The following A2M variants were observed in gnomAD, a reference collection of about 807,000 sequenced individuals.
A2M encodes alpha-2-macroglobulin.
A neutral mutation model predicts 183.9 loss-of-function variants in A2M; 128 were observed. That is an observed-to-expected ratio of 0.70 (90% CI 0.60 to 0.81). A2M has a LOEUF of 0.81. Ranked by LOEUF, A2M falls within the 30% of genes least tolerant of loss-of-function variation. The pLI is 0.00. For synonymous variants in A2M, 592 were observed against 670.8 expected, an observed-to-expected ratio of 0.88 and a Z score of 1.81; for missense variants, 1,495 against 1,787.6, an observed-to-expected ratio of 0.84 and a Z score of 2.95.
intron 5 of A2M, 138 bp from the exon 6 acceptor site, chr12:9,110,173 A>T: frequency 1.8e-6 from 2 of 1,121,198 alleles, no homozygotes; most frequent in South Asian, 3.1e-5. Flanking sequence ...GAGATGAGTT[A>T]TAGCCATCTA....
At chr12:9,107,729 A>C (rs1448757665) in intron 7 of A2M, 85 bp from the exon 8 acceptor site, 15 of 1,515,694 alleles carry the variant, frequency 9.9e-6, no homozygotes, top group Non-Finnish European at 1.4e-5. Flanking sequence ...CTTTAGCTAC[A>C]GTATATTCCC....
intron 22 of A2M, among the ~76,000 whole-genome samples, chr12:9,086,252 A>G (rs1192044257): frequency 6.6e-6 from 1 of 152,184 alleles, no homozygotes; most frequent in Admixed American, 6.5e-5. Context: ...ATAAAATACT[A>G]GCATAGCAGC....
Position 9,090,410 on chromosome 12 carries a change from T to G in A2M, c.2542A>C (p.Ile848Leu). Reference protein sequence around the residue: ...PVEKEQAPHCICANGRQTVSW... With the variant: ...PVEKEQAPHCLCANGRQTVSW... ...ACAGTTTGCCGCCCGTTTGCACAGA[T>G]GCAGTGAGGCGCTTGTTCCTTCTCC... The change falls in exon 20 of 36, where the codon ATC (isoleucine) becomes CTC (leucine). Residue 848 changes from isoleucine (I) to leucine (L), a missense_variant. By Grantham distance (5) the Ile-to-Leu change is conservative. Coordinates refer to ENST00000318602, the MANE Select transcript of A2M (RefSeq NM_000014.6). The G allele has an allele frequency of 6.2e-7, 1 of 1,613,994 alleles. No homozygotes were observed. The highest frequency in any genetic ancestry group is 1.1e-5 in the South Asian group (1 of 91,082).
intron 15 of A2M, 42 bp from the exon 16 acceptor site, chr12:9,095,742 C>CTTTTTTTTTTTTTTTTTT (rs34176052): frequency 3.6e-6 from 1 of 276,800 alleles, no homozygotes. Context: ...TTATTTGTGA[C>CTTTTTTTTTTTTTTTTTT]TTTTTTTTTT....
At chr12:9,068,072 A>T in intron 35 of A2M, 111 bp downstream of exon 35, 1 of 1,259,114 alleles carries the variant, frequency 7.9e-7, no homozygotes, top group Non-Finnish European at 1.1e-6. Flanking sequence ...GTGCAGTGTG[A>T]GTAATTTGAT....
chr12:9,091,497 C>G, intron 18 of A2M, 68 bp from the exon 19 acceptor site: 1 of 1,514,970 alleles, frequency 6.6e-7, no homozygotes. Flanking sequence ...GGAGAGAATC[C>G]CTAGGAATGA....
chr12:9,096,875 GATCTCTACTAGCACTTAGTATA>G (rs373616617), intron 15 of A2M, among the ~76,000 whole-genome samples: 2 of 152,236 alleles, frequency 1.3e-5, no homozygotes, highest in African/African-American at 4.8e-5. Context: ...CTCACTGCTT[GATCTCTACTAGCACTTAGTATA>G]ATACCTAGAA....
At chr12:9,084,450 G>A (rs1458893190) in intron 22 of A2M, among the ~76,000 whole-genome samples, 3 of 152,096 alleles carry the variant, frequency 2.0e-5, no homozygotes, top group Non-Finnish European at 4.4e-5. Context: ...AATGTGTGTG[G>A]GGGAGTGAAA....
chr12:9,079,222 C>A (rs1216085357), intron 25 of A2M, 22 bp downstream of exon 25: 3 of 1,604,358 alleles, frequency 1.9e-6, no homozygotes, highest in Admixed American at 3.4e-5. Flanking sequence ...AAAAGAAGCT[C>A]AAAAAATTGT....
chr12:9,089,117 A>G (rs917781664), intron 22 of A2M, 83 bp downstream of exon 22: 1 of 1,087,662 alleles, frequency 9.2e-7, no homozygotes, highest in African/African-American at 1.6e-5. Context: ...TCACAGAGAA[A>G]GTGTAGGAAT....
intron 26 of A2M, 90 bp from the exon 27 acceptor site, chr12:9,077,510 C>T (rs964731528): frequency 3.4e-6 from 5 of 1,477,706 alleles, no homozygotes; most frequent in Admixed American, 3.9e-5. Flanking sequence ...TGGAATTCAT[C>T]CTTACCCATA....
At chr12:9,106,392 T>G in intron 9 of A2M, 47 bp from the exon 10 acceptor site, 1 of 1,473,996 alleles carries the variant, frequency 6.8e-7, no homozygotes, top group Non-Finnish European at 9.4e-7. Context: ...GAATGATGTC[T>G]CTAAAATTCT....
At chr12:9,072,512 GT>G in intron 30 of A2M, 26 bp from the exon 31 acceptor site, 1 of 1,604,430 alleles carries the variant, frequency 6.2e-7, no homozygotes, top group Non-Finnish European at 8.5e-7. Context: ...GACAAAATCA[GT>G]TTTTTGCCCT....
In A2M at chr12:9,070,095, A is replaced by G. The variant is rs191818828; in HGVS notation, c.4195-282T>C. 2.5e-4 allele frequency among the ~76,000 whole-genome samples: 38 copies of G among 152,274 alleles called. No individual in the cohort carries two copies. The East Asian group carries it at 6.8e-3, about 27-fold the overall frequency. Reference sequence around the variant, plus strand: ...TATTTCAAAGTTCAATTCAGTTTCTATTTCTTCATAAGGAGTTTTTTTCCT... The same window carrying G: ...TATTTCAAAGTTCAATTCAGTTTCTGTTTCTTCATAAGGAGTTTTTTTCCT... On this transcript the variant is annotated intron_variant, in intron 32 of 35. Coordinates refer to ENST00000318602, the MANE Select transcript of A2M (RefSeq NM_000014.6).
rs1200557065 is a variant in A2M, at chr12:9,079,228, A to T, written c.3119+16T>A. ...TGGCACACAAAAAGAAGCTCAAAAAATTGTTCTTTCCTTACCAGGTGTTGC... is the reference window on the plus strand; with the variant it reads ...TGGCACACAAAAAGAAGCTCAAAAATTTGTTCTTTCCTTACCAGGTGTTGC... On this transcript the variant is annotated intron_variant, in intron 25 of 35. Transcript: ENST00000318602. The T allele has an allele frequency of 6.2e-7, 1 of 1,608,356 alleles. No homozygotes were observed. The highest frequency in any genetic ancestry group is 1.7e-5 in the Admixed American group (1 of 59,148).
intron 11 of A2M, among the ~76,000 whole-genome samples, chr12:9,103,143 TTTAAAACTAA>T (rs1938016868): frequency 1.3e-5 from 2 of 152,164 alleles, no homozygotes; most frequent in Non-Finnish European, 2.9e-5. Context: ...AGTATATATA[TTTAAAACTAA>T]ATGCTAATTA....
chr12:9,080,753 G>C (rs1342198271), intron 22 of A2M, among the ~76,000 whole-genome samples: 1 of 152,028 alleles, frequency 6.6e-6, no homozygotes, highest in Admixed American at 6.6e-5. Context: ...TACTACTCAT[G>C]AACATACATT....
chr12:9,091,087 C>G, intron 19 of A2M, 114 bp downstream of exon 19: 1 of 1,289,250 alleles, frequency 7.8e-7, no homozygotes, highest in South Asian at 1.5e-5. Context: ...CTTTTACAAT[C>G]ATGAATATCT....
At chr12:9,097,037 C>T (rs969220253) in intron 15 of A2M, among the ~76,000 whole-genome samples, 1 of 152,170 alleles carries the variant, frequency 6.6e-6, no homozygotes, top group Admixed American at 6.5e-5. Flanking sequence ...TACTAAATCC[C>T]TGAAAGCTTC....
Sources: gnomAD v4.1 joint callset for allele counts (sites outside exome capture counted in the v4.1 genomes callset) on GRCh38, gnomAD v4.1.1 for gene constraint, MANE v1.5 for transcripts, NCBI Gene and HGNC (gene_info 2026-07-23, HGNC 2026-07-21) for gene names.